LRRC4C: variants seen among roughly 807,000 people sequenced by gnomAD.
LRRC4C encodes leucine-rich repeat-containing protein 4C.
A neutral mutation model predicts 33.6 loss-of-function variants in LRRC4C; 5 were observed. The ratio of observed to expected loss-of-function variants is 0.15; its 90% confidence interval spans 0.08 to 0.31. The LOEUF is 0.31. Ranked by LOEUF, LRRC4C falls within the 10% of genes least tolerant of loss-of-function variation. LRRC4C has a pLI of 1.00. For synonymous variants in LRRC4C, 329 were observed against 302.0 expected, an observed-to-expected ratio of 1.09 and a Z score of -0.93; for missense variants, 560 against 796.7, an observed-to-expected ratio of 0.70 and a Z score of 3.58.
chr11:40,184,948 T>C (rs1004903563), intron 5 of LRRC4C, among the ~76,000 whole-genome samples: 2 of 152,202 alleles, frequency 1.3e-5, no homozygotes, highest in African/African-American at 4.8e-5. Context: ...GGAGAGATTG[T>C]TTCACACGAT....
intron 1 of LRRC4C, among the ~76,000 whole-genome samples, chr11:41,355,599 C>T (rs1027488895): frequency 1.3e-4 from 19 of 151,988 alleles, no homozygotes; most frequent in Non-Finnish European, 2.2e-4. Flanking sequence ...TACTAATGAC[C>T]TATTTTTGTC....
intron 3 of LRRC4C, among the ~76,000 whole-genome samples, chr11:40,333,615 G>A (rs897988977): frequency 1.3e-5 from 2 of 151,556 alleles, no homozygotes. Context: ...TACTCAGGGG[G>A]CTGAGGCAGA....
chr11:40,629,644 A>G (rs1210189783), intron 3 of LRRC4C, among the ~76,000 whole-genome samples: 1 of 152,170 alleles, frequency 6.6e-6, no homozygotes, highest in African/African-American at 2.4e-5. Flanking sequence ...CATAGCTTTG[A>G]TTAAGAACAT....
intron 3 of LRRC4C, among the ~76,000 whole-genome samples, chr11:40,336,477 T>G (rs1488575066): frequency 1.3e-5 from 2 of 152,180 alleles, no homozygotes; most frequent in Non-Finnish European, 2.9e-5. Context: ...AATGACTGTA[T>G]GGAGCAGATC....
chr11:40,857,365 C>T (rs1953841553), intron 2 of LRRC4C, among the ~76,000 whole-genome samples: 1 of 152,144 alleles, frequency 6.6e-6, no homozygotes, highest in Admixed American at 6.5e-5. Context: ...ACCCTGCCAA[C>T]AGGCCCCAGT....
At chr11:41,383,216 C>A (rs1362965783) in intron 1 of LRRC4C, among the ~76,000 whole-genome samples, 1 of 152,056 alleles carries the variant, frequency 6.6e-6, no homozygotes, top group African/African-American at 2.4e-5. Flanking sequence ...GGTTGTGAAT[C>A]AGAGTTAGGA....
intron 2 of LRRC4C, among the ~76,000 whole-genome samples, chr11:40,917,014 T>G (rs1297202978): frequency 6.6e-6 from 1 of 152,166 alleles, no homozygotes; most frequent in Non-Finnish European, 1.5e-5. Flanking sequence ...TTTCATACAC[T>G]TACATATAGT....
intron 3 of LRRC4C, among the ~76,000 whole-genome samples, chr11:40,397,069 C>A (rs918678422): frequency 1.3e-5 from 2 of 152,098 alleles, no homozygotes; most frequent in South Asian, 4.1e-4. Flanking sequence ...GACATCTAAA[C>A]CTTGCTTTTA....
rs182863779 is a variant in LRRC4C at position 40,586,808 on chromosome 11, G to T, written c.-270+61334C>A. 8.6e-3 allele frequency among the ~76,000 whole-genome samples: 1,307 copies of T among 152,050 alleles called. 9 individuals carry two copies. The highest frequency in any genetic ancestry group is 0.016 in the Admixed American group (250 of 15,258). ...GTATATATGCGGCGTTATTTCTGAG[G>T]GCTCTGTTCTGTTCCATTGATCTAT... On this transcript the variant is annotated intron_variant, in intron 3 of 6. Coordinates refer to ENST00000528697, the MANE Select transcript of LRRC4C (RefSeq NM_001258419.2).
At chr11:40,761,837 T>C (rs1256945413) in intron 2 of LRRC4C, among the ~76,000 whole-genome samples, 1 of 152,128 alleles carries the variant, frequency 6.6e-6, no homozygotes, top group Non-Finnish European at 1.5e-5. Context: ...CACATTGAAA[T>C]AACAATCTTC....
chr11:41,224,844 T>G (rs1947459834), intron 1 of LRRC4C, among the ~76,000 whole-genome samples: 1 of 152,196 alleles, frequency 6.6e-6, no homozygotes, highest in South Asian at 2.1e-4. Context: ...GATACAGCTC[T>G]GTTTACAATA....
intron 2 of LRRC4C, among the ~76,000 whole-genome samples, chr11:40,909,942 A>G (rs2136254936): frequency 6.6e-6 from 1 of 152,312 alleles, no homozygotes; most frequent in Non-Finnish European, 1.5e-5. Context: ...AAAATCATTT[A>G]TTTTAATGGA....
intron 1 of LRRC4C, chr11:41,122,878 T>G (rs1942512674): frequency 6.6e-6 from 1 of 152,138 alleles, no homozygotes; most frequent in Non-Finnish European, 1.5e-5. Flanking sequence ...ACTAAACAAT[T>G]TATTTTATAA....
intron 4 of LRRC4C, among the ~76,000 whole-genome samples, chr11:40,266,964 C>T (rs552227881): frequency 7.9e-4 from 106 of 134,492 alleles, no homozygotes; most frequent in African/African-American, 2.8e-3. Context: ...CACCCACCCA[C>T]ACACACACAG....
At chr11:40,720,128 C>T (rs975213007) in intron 2 of LRRC4C, among the ~76,000 whole-genome samples, 1 of 152,104 alleles carries the variant, frequency 6.6e-6, no homozygotes, top group Non-Finnish European at 1.5e-5. Context: ...TTCCCATCTC[C>T]CCTTCTTTGT....
At chr11:40,864,634 T>C (rs1954264645) in intron 2 of LRRC4C, among the ~76,000 whole-genome samples, 1 of 152,220 alleles carries the variant, frequency 6.6e-6, no homozygotes, top group Admixed American at 6.5e-5. Flanking sequence ...TGTGTGCCCA[T>C]GGCAGACATA....
intron 6 of LRRC4C, among the ~76,000 whole-genome samples, chr11:40,124,564 A>G (rs879380016): frequency 2.0e-5 from 3 of 152,210 alleles, no homozygotes; most frequent in Non-Finnish European, 4.4e-5. Flanking sequence ...ACAGAAAGAC[A>G]AATTTCATAT....
intron 2 of LRRC4C, among the ~76,000 whole-genome samples, chr11:40,908,185 A>T (rs1956511010): frequency 6.6e-6 from 1 of 152,158 alleles, no homozygotes; most frequent in Non-Finnish European, 1.5e-5. Context: ...ATAGGAAGGA[A>T]GATAACATAA....
intron 3 of LRRC4C, among the ~76,000 whole-genome samples, chr11:40,373,828 A>G (rs1368261325): frequency 6.6e-6 from 1 of 152,138 alleles, no homozygotes; most frequent in East Asian, 1.9e-4. Context: ...TTCTGCCACA[A>G]GTTAAAGCTC....
Sources: gnomAD v4.1 joint callset for allele counts (sites outside exome capture counted in the v4.1 genomes callset) on GRCh38, gnomAD v4.1.1 for gene constraint, MANE v1.5 for transcripts, NCBI Gene and HGNC (gene_info 2026-07-23, HGNC 2026-07-21) for gene names.